Variants in ARL3 observed in about 807,000 individuals in gnomAD.
ARL3 encodes ADP-ribosylation factor-like protein 3.
A neutral mutation model predicts 26.0 loss-of-function variants in ARL3; 9 were observed. That is an observed-to-expected ratio of 0.35 (90% confidence interval 0.21 to 0.60). The LOEUF (loss-of-function observed/expected upper bound fraction) is 0.60. Ranked by LOEUF, ARL3 falls within the 20% of genes least tolerant of loss-of-function variation. The pLI is 0.78. For missense variants in ARL3, 158 were observed against 215.7 expected, an observed-to-expected ratio of 0.73 and a Z score of 1.67; for synonymous variants, 71 against 78.4, an observed-to-expected ratio of 0.91 and a Z score of 0.50.
At chr10:102,684,049 T>A (rs1366899991) in intron 5 of ARL3, among the ~76,000 whole-genome samples, 2 of 152,222 alleles carry the variant, frequency 1.3e-5, no homozygotes, top group Non-Finnish European at 2.9e-5. Flanking sequence ...TCCAGAGCTG[T>A]ACTTGCACTT....
At position 102,674,152 on chromosome 10, in the gene ARL3, G is replaced by C. The variant is rs752609082; in HGVS notation, c.*2742C>G. The C allele has an allele frequency of 6.5e-6, 1 of 152,712 alleles. No homozygotes were observed. The highest frequency in any genetic ancestry group is 1.5e-5 in the Non-Finnish European group (1 of 68,092). The allele number at this position is 152,712 out of a possible 1,614,324, so 9.5% of individuals were successfully genotyped here. A position where few individuals can be genotyped will look rare whatever the true frequency, so the allele number is the denominator to read the frequency against. ...AAAGCAAGGAGAGAGAAGTGGAGAC[G>C]GAGGGAGGGAGGAAGGAAGGGGGCA... is the stretch of plus-strand genomic sequence containing the variant. On this transcript the variant is annotated 3_prime_UTR_variant, in exon 6 of 6. Transcript: ENST00000260746.
At chr10:102,701,031 C>T (rs767496537) in intron 2 of ARL3, among the ~76,000 whole-genome samples, 12 of 152,044 alleles carry the variant, frequency 7.9e-5, no homozygotes, top group Non-Finnish European at 1.6e-4. Flanking sequence ...GCCACTGCAC[C>T]GGGCTGGAAG....
chr10:102,711,783 C>T (rs2064342780), intron 1 of ARL3, among the ~76,000 whole-genome samples: 2 of 151,902 alleles, frequency 1.3e-5, no homozygotes, highest in South Asian at 4.2e-4. Flanking sequence ...AAGAAGAAAA[C>T]AGGAACAATA....
intron 3 of ARL3, among the ~76,000 whole-genome samples, chr10:102,692,918 G>A (rs1332721892): frequency 1.3e-5 from 2 of 152,050 alleles, no homozygotes; most frequent in Non-Finnish European, 2.9e-5. Flanking sequence ...GGATGGTCTC[G>A]ATCTCCTGAC....
intron 3 of ARL3, among the ~76,000 whole-genome samples, chr10:102,694,844 G>T (rs965783310): frequency 1.3e-5 from 2 of 151,912 alleles, no homozygotes; most frequent in Non-Finnish European, 2.9e-5. Context: ...TTAGCCTCCC[G>T]AGCAGCTGGG....
intron 2 of ARL3, among the ~76,000 whole-genome samples, chr10:102,700,789 T>G (rs112016350): frequency 0.2 from 26,875 of 134,948 alleles, 2,439 homozygotes; most frequent in South Asian, 0.31. Flanking sequence ...TTTTTTTTTT[T>G]TGCAGAGTTG....
At chr10:102,693,380 C>T (rs923301837) in intron 3 of ARL3, among the ~76,000 whole-genome samples, 4 of 152,132 alleles carry the variant, frequency 2.6e-5, no homozygotes, top group Middle Eastern at 3.4e-3. Flanking sequence ...TTATTTTAGC[C>T]AGTCTAGTAG....
At chr10:102,702,395 T>C (rs2064284706) in intron 2 of ARL3, among the ~76,000 whole-genome samples, 1 of 152,138 alleles carries the variant, frequency 6.6e-6, no homozygotes, top group Admixed American at 6.6e-5. Context: ...ACTTCCTAAA[T>C]TTACTACAAT....
Position 102,685,834 on chromosome 10 carries a change from G to A in ARL3, c.483C>T (p.Leu161=). ...ATCTCACCTGAACGCCCTCTCCTGT[G>A]AGAGCTGAGCAAGACTGGATCTGCC... ...RVWQIQSCSA[L]TGEGVQDGMN... is the part of the protein sequence containing the mutation. Residue 161 remains leucine (L), a synonymous_variant, in exon 5 of 6, where the codon CTC becomes CTT. Transcript: ENST00000260746. 1 of 1,611,856 alleles carries A rather than the reference G, an allele frequency of 6.2e-7. No individual in the cohort carries two copies. The highest frequency in any genetic ancestry group is 8.5e-7 in the Non-Finnish European group (1 of 1,179,158).
At chr10:102,708,033 C>T (rs1044935563) in intron 1 of ARL3, among the ~76,000 whole-genome samples, 8 of 152,216 alleles carry the variant, frequency 5.3e-5, no homozygotes, top group South Asian at 2.1e-4. Context: ...CCCACCTCAG[C>T]CTCTCCAGTA....
chr10:102,688,550 G>A (rs2064199772), intron 4 of ARL3, among the ~76,000 whole-genome samples: 2 of 149,334 alleles, frequency 1.3e-5, no homozygotes, highest in South Asian at 4.2e-4. Context: ...CACCCAGGCT[G>A]GAGTGCAGTG....
chr10:102,689,233 G>C (rs2064203743), intron 4 of ARL3, among the ~76,000 whole-genome samples: 1 of 152,098 alleles, frequency 6.6e-6, no homozygotes, highest in Admixed American at 6.5e-5. Context: ...GCTGAGGCAG[G>C]AGAATCACTT....
At chr10:102,700,066 G>A (rs987849673) in intron 2 of ARL3, among the ~76,000 whole-genome samples, 1 of 152,200 alleles carries the variant, frequency 6.6e-6, no homozygotes, top group African/African-American at 2.4e-5. Flanking sequence ...CAGTAGGGAG[G>A]TGGAGCCCTC....
intron 3 of ARL3, among the ~76,000 whole-genome samples, chr10:102,696,841 C>G (rs145948501): frequency 6.6e-6 from 1 of 152,152 alleles, no homozygotes; most frequent in Non-Finnish European, 1.5e-5. Flanking sequence ...GAGGGACTTA[C>G]CAGCCGCTGA....
chr10:102,678,975 G>A (rs946666577), intron 5 of ARL3, among the ~76,000 whole-genome samples: 2 of 152,216 alleles, frequency 1.3e-5, no homozygotes, highest in African/African-American at 2.4e-5. Context: ...GCTGACCCCC[G>A]GCCTGGGCCC....
chr10:102,702,256 T>C (rs144842146), intron 2 of ARL3, among the ~76,000 whole-genome samples: 25 of 152,190 alleles, frequency 1.6e-4, no homozygotes, highest in African/African-American at 5.1e-4. Context: ...GCCATTTTTA[T>C]TTTTTATTTT....
In ARL3 at chr10:102,686,074, T is replaced by A; in HGVS notation, c.316-73A>T. ...TATGATATTTAACCATACACTACTT[T>A]TTTTTTTTTTTTTTTGAGACAGAGT... is the stretch of plus-strand genomic sequence containing the variant. On this transcript the variant is annotated intron_variant, in intron 4 of 5. Transcript: ENST00000260746. The A allele has an allele frequency of 1.3e-5, 13 of 965,008 alleles. No individual in the cohort carries two copies. In the South Asian group the frequency reaches 3.1e-4, roughly 23 times the overall value. The allele number at this position is 965,008 out of a possible 1,614,324, so 59.8% of individuals were successfully genotyped here.
rs145183519 is a variant in ARL3 at position 102,688,773 on chromosome 10, G to C, written c.315+1120C>G. ...CCACCTCAGCCTCCCAAAGGGCTGGGATTACAGGCGCGAGCCACCGCACCC... is the reference window on the plus strand; with the variant it reads ...CCACCTCAGCCTCCCAAAGGGCTGGCATTACAGGCGCGAGCCACCGCACCC... On this transcript the variant is annotated intron_variant, in intron 4 of 5. Coordinates refer to ENST00000260746, the MANE Select transcript of ARL3 (RefSeq NM_004311.4). Among the ~76,000 whole-genome samples the C allele has an allele frequency of 1.2e-3, 177 of 152,182 alleles. 1 individual carries two copies. The highest frequency in any genetic ancestry group is 4.1e-3 in the African/African-American group (170 of 41,534).
chr10:102,708,786 G>A (rs1219211867), intron 1 of ARL3, among the ~76,000 whole-genome samples: 1 of 151,188 alleles, frequency 6.6e-6, no homozygotes, highest in Non-Finnish European at 1.5e-5. Context: ...AACCCAGGAG[G>A]TAGAGGTTGC....
Sources: allele counts gnomAD v4.1 joint callset (sites outside exome capture counted in the v4.1 genomes callset), GRCh38; gene constraint gnomAD v4.1.1; transcripts MANE v1.5; gene names NCBI Gene and HGNC (gene_info 2026-07-23, HGNC 2026-07-21).